The following PLK3 variants were observed in gnomAD, a reference collection of about 807,000 sequenced individuals.
The protein encoded by PLK3 is serine/threonine-protein kinase PLK3.
Under a neutral mutation model 71.6 loss-of-function variants are expected in PLK3, and 41 were observed. The ratio of observed to expected loss-of-function variants is 0.57; its 90% CI spans 0.45 to 0.74. The LOEUF (loss-of-function observed/expected upper bound fraction) is 0.74. PLK3 is among the 30% of genes least tolerant of loss of function. The probability of loss-of-function intolerance (pLI) is 0.00; values close to 1 mark genes in which losing one functional copy is unlikely to be tolerated. For missense variants in PLK3, 791 were observed against 875.6 expected (o/e 0.90, Z 1.22); for synonymous variants, 366 against 355.4 (o/e 1.03, Z -0.33).
At chr1:44,801,796 A>T in intron 4 of PLK3, 45 bp downstream of exon 4, 2 of 400,784 alleles carry the variant, frequency 5.0e-6, no homozygotes, top group Non-Finnish European at 1.0e-5. Context: ...GGAGGGAGGG[A>T]GGGAGGGAGG....
In PLK3 at chr1:44,803,680, G is replaced by A. The variant is rs1395102463; in HGVS notation, c.1153G>A (p.Ala385Thr). Reference protein sequence around the residue: ...LMRTSVGHQDARPEAPAASGP... With the variant: ...LMRTSVGHQDTRPEAPAASGP... Reference sequence around the variant, plus strand: ...GCGCACATCCGTTGGCCATCAGGATGCCAGGCCAGAGGTGAGGCGCTCAGG... The same window carrying A: ...GCGCACATCCGTTGGCCATCAGGATACCAGGCCAGAGGTGAGGCGCTCAGG... Residue 385 changes from alanine (A) to threonine (T), a missense_variant, in exon 9 of 15, where the codon GCC (alanine) becomes ACC (threonine). Coordinates refer to ENST00000372201, the MANE Select transcript of PLK3 (RefSeq NM_004073.4). The surrounding 1 kb of genome is among the most constrained non-coding windows in gnomAD (Gnocchi z 4.3). 6.2e-7 allele frequency: 1 copy of A among 1,612,344 alleles called. No individual in the cohort carries two copies. Among genetic ancestry groups the A allele is most frequent in the Non-Finnish European group, 8.5e-7 (1 of 1,178,948 alleles).
Position 44,800,843 on chromosome 1 carries a change from G to A in PLK3, c.214G>A (p.Gly72Ser). The A allele has an allele frequency of 1.9e-6, 3 of 1,609,086 alleles. No homozygotes were observed. Among genetic ancestry groups the A allele is most frequent in the Non-Finnish European group, 2.5e-6 (3 of 1,179,028 alleles). ...YLKGRLLGKG[G>S]FARCYEATDT... ...GCCTGATGCCCCCTCTTCACAGGGG[G>A]GCTTCGCCCGCTGCTACGAGGCCAC... The change falls in exon 2 of 15, where the codon GGC (glycine) becomes AGC (serine). Residue 72 changes from glycine (G) to serine (S), a missense_variant. Gly to Ser is a moderately conservative substitution (Grantham distance 56). Transcript: ENST00000372201. The surrounding 1 kb of genome is among the most constrained non-coding windows in gnomAD (Gnocchi z 6.5).
chr1:44,805,105 CAA>C (rs754743272), intron 13 of PLK3, 159 bp from the exon 14 acceptor site: 81 of 460,432 alleles, frequency 1.8e-4, no homozygotes, highest in South Asian at 2.7e-4. Flanking sequence ...GACTCCATCT[CAA>C]AAAAAAAAAA....
chr1:44,801,664 C>T lies in PLK3; in HGVS notation c.478C>T (p.Pro160Ser), dbSNP rs778018679. 1 of 1,613,722 alleles carries T rather than the reference C, an allele frequency of 6.2e-7. No individual in the cohort carries two copies. The highest frequency in any genetic ancestry group is 8.5e-7 in the Non-Finnish European group (1 of 1,179,930). The change falls in exon 4 of 15, where the codon CCA becomes TCA. Residue 160 changes from proline to serine, a missense_variant. Coordinates refer to ENST00000372201, the MANE Select transcript of PLK3 (RefSeq NM_004073.4). The part of the protein sequence containing the change: ...IWKARHTLLE[P>S]EVRYYLRQIL... The stretch of plus-strand genomic sequence containing the variant: ...GAAGGCCCGGCACACCCTGTTGGAG[C>T]CAGAAGTGCGCTACTACCTGCGGCA...
In PLK3 at chr1:44,800,495, G is replaced by C. The variant is rs1438311428; in HGVS notation, c.32G>C (p.Arg11Pro). ...CCTGCCGCCGGTTTCCTGTCTCCGCGCCCCTTCCAGCGTGCGGCCGCCGCG... is the reference window on the plus strand; with the variant it reads ...CCTGCCGCCGGTTTCCTGTCTCCGCCCCCCTTCCAGCGTGCGGCCGCCGCG... MEPAAGFLSP[R>P]PFQRAAAAPA... Residue 11 changes from arginine (R) to proline (P), a missense_variant, in exon 1 of 15, where the codon CGC (arginine) becomes CCC (proline). By Grantham distance (103) the Arg-to-Pro change is moderately radical. Coordinates refer to ENST00000372201, the MANE Select transcript of PLK3 (RefSeq NM_004073.4). The surrounding 1 kb of genome is among the most constrained non-coding windows in gnomAD (Gnocchi z 6.5). The C allele has an allele frequency of 2.8e-6, 4 of 1,445,470 alleles. No homozygotes were observed. Among genetic ancestry groups the C allele is most frequent in the African/African-American group, 3.0e-5 (2 of 66,884 alleles). The allele number at this position is 1,445,470 out of a possible 1,614,324, so 89.5% of individuals were successfully genotyped here.
In PLK3 at chr1:44,800,940, G is replaced by A. The variant is rs1460884433; in HGVS notation, c.311G>A (p.Arg104His). The A allele has an allele frequency of 8.7e-6, 14 of 1,613,080 alleles. No homozygotes were observed. In the East Asian group the frequency reaches 2.9e-4, roughly 33 times the overall value. The change falls in exon 2 of 15, where the codon CGC becomes CAC. Residue 104 changes from arginine to histidine, a missense_variant. Coordinates refer to ENST00000372201, the MANE Select transcript of PLK3 (RefSeq NM_004073.4). The surrounding 1 kb of genome is among the most constrained non-coding windows in gnomAD (Gnocchi z 6.5). Reference sequence around the variant, plus strand: ...AGCCGCGTCGCCAAGCCGCATCAGCGCGAGAAGGTGGGTCCAGGCTCAGCG... The same window carrying A: ...AGCCGCGTCGCCAAGCCGCATCAGCACGAGAAGGTGGGTCCAGGCTCAGCG... The part of the protein sequence containing the change: ...PQSRVAKPHQ[R>H]EKILNEIELH...
At position 44,804,202 on chromosome 1, in the gene PLK3, C is replaced by T; in HGVS notation, c.1298C>T (p.Ser433Leu). 9 of 1,614,024 alleles carry T rather than the reference C, an allele frequency of 5.6e-6. No individual in the cohort carries two copies. Among genetic ancestry groups the T allele is most frequent in the Non-Finnish European group, 7.6e-6 (9 of 1,179,896 alleles). Residue 433 changes from serine (S) to leucine (L), a missense_variant, in exon 11 of 15, where the codon TCA becomes TTA. Transcript: ENST00000372201. Reference sequence around the variant, plus strand: ...CTGACTGTGGCCACAGTAGTGGAGTCAGCCCTTTGTGCTCTGAGAAATTGT... The same window carrying T: ...CTGACTGTGGCCACAGTAGTGGAGTTAGCCCTTTGTGCTCTGAGAAATTGT... ...EGLTVATVVE[S>L]ALCALRNCIA...
At chr1:44,802,037 A>C (rs1651849633) in intron 5 of PLK3, 105 bp downstream of exon 5, 1 of 842,432 alleles carries the variant, frequency 1.2e-6, no homozygotes, top group African/African-American at 1.7e-5. Context: ...TGTGCATGAG[A>C]TAAATGGGAA....
Position 44,803,036 on chromosome 1 carries a change from C to T in PLK3, c.831C>T (p.Tyr277=), listed in dbSNP as rs1425830869. The change falls in exon 7 of 15, where the codon TAC becomes TAT. Residue 277 remains tyrosine, a synonymous_variant. Transcript: ENST00000372201. The surrounding 1 kb of genome is among the most constrained non-coding windows in gnomAD (Gnocchi z 4.3). ...ETYRCIKQVH[Y]TLPASLSLPA... Reference sequence around the variant, plus strand: ...ACCGCTGCATCAAGCAGGTTCACTACACGCTGCCTGCCAGCCTCTCACTGC... The same window carrying T: ...ACCGCTGCATCAAGCAGGTTCACTATACGCTGCCTGCCAGCCTCTCACTGC... 3.7e-6 allele frequency: 6 copies of T among 1,613,918 alleles called. No individual in the cohort carries two copies. The highest frequency in any genetic ancestry group is 5.1e-6 in the Non-Finnish European group (6 of 1,180,012).
In PLK3 at chr1:44,803,667, T is replaced by C. The variant is rs1159243972; in HGVS notation, c.1140T>C (p.Val380=). The C allele has an allele frequency of 1.2e-6, 2 of 1,613,494 alleles. No homozygotes were observed. Among genetic ancestry groups the C allele is most frequent in the South Asian group, 2.2e-5 (2 of 90,960 alleles). Reference sequence around the variant, plus strand: ...TGAGCGGCCTCATGCGCACATCCGTTGGCCATCAGGATGCCAGGCCAGAGG... The same window carrying C: ...TGAGCGGCCTCATGCGCACATCCGTCGGCCATCAGGATGCCAGGCCAGAGG... ...GLVSGLMRTS[V]GHQDARPEAP... Residue 380 remains valine (V), a synonymous_variant, in exon 9 of 15, where the codon GTT becomes GTC. Coordinates refer to ENST00000372201, the MANE Select transcript of PLK3 (RefSeq NM_004073.4). This position sits in a 1 kb window ranked among gnomAD's most constrained non-coding sequence, Gnocchi z 4.3.
At position 44,805,901 on chromosome 1, in the gene PLK3, G is replaced by A. The variant is rs1573616124; in HGVS notation, c.*223G>A. ...CTCCCAGCTAGGGGGCGTTATTTAT[G>A]GACCACTTTTATTTATTGTCAGACA... is the stretch of plus-strand genomic sequence containing the variant. On this transcript the variant is annotated 3_prime_UTR_variant, in exon 15 of 15. Coordinates refer to ENST00000372201, the MANE Select transcript of PLK3 (RefSeq NM_004073.4). 1 of 1,455,860 alleles carries A rather than the reference G, an allele frequency of 6.9e-7. No homozygotes were observed. The highest frequency in any genetic ancestry group is 2.5e-5 in the East Asian group (1 of 40,344). 90.2% of individuals were successfully genotyped at this position (1,455,860 alleles called of 1,614,324 possible).
rs771600235 is a variant in PLK3 at position 44,804,662 on chromosome 1, C to T, written c.1518C>T (p.Tyr506=). The T allele has an allele frequency of 5.0e-6, 8 of 1,613,854 alleles. No individual in the cohort carries two copies. In the Admixed American group the frequency reaches 1.0e-4, roughly 20 times the overall value. ...CTCCCCATTCTAGGACTGTGCACTACAATCCCACCAGCACAAAGCACTTCT... is the reference window on the plus strand; with the variant it reads ...CTCCCCATTCTAGGACTGTGCACTATAATCCCACCAGCACAAAGCACTTCT... ...ALSANRKTVH[Y]NPTSTKHFSF... The change falls in exon 13 of 15, where the codon TAC becomes TAT. Residue 506 remains tyrosine, a synonymous_variant. Coordinates refer to ENST00000372201, the MANE Select transcript of PLK3 (RefSeq NM_004073.4).
chr1:44,805,641 A>G lies in PLK3; in HGVS notation c.1904A>G (p.Tyr635Cys). 1 of 1,613,844 alleles carries G rather than the reference A, an allele frequency of 6.2e-7. No homozygotes were observed. The highest frequency in any genetic ancestry group is 8.5e-7 in the Non-Finnish European group (1 of 1,179,996). ...CCAGACCTGCGGCAGCGACTCCGCT[A>G]TGCTCTGCGCCTGCTCCGGGACCGC... is the stretch of plus-strand genomic sequence containing the variant. The part of the protein sequence containing the change: ...CSPDLRQRLR[Y>C]ALRLLRDRSP... The change falls in exon 15 of 15, where the codon TAT (tyrosine) becomes TGT (cysteine). Residue 635 changes from tyrosine (Y) to cysteine (C), a missense_variant. Transcript: ENST00000372201.
At chr1:44,804,890 G>C in intron 13 of PLK3, 111 bp downstream of exon 13, 1 of 1,003,134 alleles carries the variant, frequency 1.0e-6, no homozygotes, top group Non-Finnish European at 1.5e-6. Context: ...TGGATTATGA[G>C]GTCAGGAGAT....
chr1:44,801,818 CT>C, intron 4 of PLK3, 26 bp from the exon 5 acceptor site: 1 of 1,610,568 alleles, frequency 6.2e-7, no homozygotes, highest in Non-Finnish European at 8.5e-7. Context: ...AGGAAAGAAT[CT>C]GACACACCTC....
intron 6 of PLK3, 44 bp downstream of exon 6, chr1:44,802,899 G>A (rs571327913): frequency 6.2e-7 from 1 of 1,603,762 alleles, no homozygotes; most frequent in East Asian, 2.2e-5. Flanking sequence ...GGTGGTGGGT[G>A]TGTGGGTGGA....
In PLK3 at chr1:44,800,775, C is replaced by A; in HGVS notation, c.211-65C>A. 1 of 1,549,250 alleles carries A rather than the reference C, an allele frequency of 6.5e-7. No homozygotes were observed. The highest frequency in any genetic ancestry group is 1.2e-5 in the South Asian group (1 of 85,580). On this transcript the variant is annotated intron_variant, in intron 1 of 14. Coordinates refer to ENST00000372201, the MANE Select transcript of PLK3 (RefSeq NM_004073.4). This position sits in a 1 kb window ranked among gnomAD's most constrained non-coding sequence, Gnocchi z 6.5. ...GGGCGTGGGCACTTGACCCCCAACG[C>A]GGGGACGCCCGCGGGCCAGACTCGG... is the stretch of plus-strand genomic sequence containing the variant.
intron 2 of PLK3, 24 bp from the exon 3 acceptor site, chr1:44,801,012 G>GACGA: frequency 1.2e-6 from 2 of 1,608,922 alleles, no homozygotes; most frequent in Non-Finnish European, 1.7e-6. Flanking sequence ...ATGGAAGGAT[G>GACGA]ACGACTCCGC....
chr1:44,802,537 G>A (rs1490964046), intron 5 of PLK3, among the ~76,000 whole-genome samples: 1 of 152,050 alleles, frequency 6.6e-6, no homozygotes, highest in African/African-American at 2.4e-5. Flanking sequence ...CTGGGCTGGG[G>A]GTCAGGCCCT....
Sources: gnomAD v4.1 joint callset for allele counts (sites outside exome capture counted in the v4.1 genomes callset) on GRCh38, gnomAD v4.1.1 for gene constraint, Gnocchi (gnomAD v3.1) non-coding constraint, MANE v1.5 for transcripts, NCBI Gene and HGNC (gene_info 2026-07-23, HGNC 2026-07-21) for gene names.